Variants in PDE4D observed in about 807,000 individuals in gnomAD.
The protein encoded by PDE4D is phosphodiesterase 4D, also known as 3',5'-cyclic-AMP phosphodiesterase 4D.
PDE4D carries 24 observed loss-of-function variants against 87.4 expected under a neutral mutation model. That is an observed-to-expected ratio of 0.27 (90% CI 0.20 to 0.39). The LOEUF (loss-of-function observed/expected upper bound fraction) is 0.39, where lower values mean the gene tolerates loss of function less well. Ranked by LOEUF, PDE4D falls within the 10% of genes least tolerant of loss-of-function variation. The pLI is 1.00. For synonymous variants in PDE4D, 384 were observed against 383.2 expected (o/e 1.00, Z -0.02); for missense variants, 714 against 1,041.0 (o/e 0.69, Z 4.32).
chr5:59,949,398 A>G (rs1190031686), intron 3 of PDE4D, among the ~76,000 whole-genome samples: 1 of 144,284 alleles, frequency 6.9e-6, no homozygotes, highest in African/African-American at 2.6e-5. Context: ...GTGCCACCGC[A>G]CTCCAGCCTG....
chr5:59,117,717 G>C (rs1773835731), intron 5 of PDE4D, among the ~76,000 whole-genome samples: 1 of 151,988 alleles, frequency 6.6e-6, no homozygotes, highest in South Asian at 2.1e-4. Flanking sequence ...TTCTGCAAAA[G>C]AACTGTTGAA....
intron 1 of PDE4D, among the ~76,000 whole-genome samples, chr5:60,385,920 T>C (rs1354988127): frequency 3.9e-5 from 6 of 152,192 alleles, no homozygotes; most frequent in Admixed American, 3.9e-4. Context: ...GCCACTGCCC[T>C]GCCTTCTGTC....
chr5:60,303,394 C>T lies in PDE4D; in HGVS notation c.-89-117707G>A, dbSNP rs537047824. On this transcript the variant is annotated intron_variant, in intron 1 of 16. Transcript: ENST00000502484. ...CGCGATCTCGGCTCACTGCAAGCTC[C>T]GCCTCCCGGGTTCACGCCATTCTCC... Among the ~76,000 whole-genome samples, 288 of 150,608 alleles carry T rather than the reference C, an allele frequency of 1.9e-3. 3 individuals are homozygous for T. Among genetic ancestry groups the T allele is most frequent in the African/African-American group, 6.6e-3 (270 of 40,756 alleles).
At chr5:59,847,338 T>C (rs1744016109) in intron 1 of PDE4D, among the ~76,000 whole-genome samples, 1 of 152,038 alleles carries the variant, frequency 6.6e-6, no homozygotes, top group Non-Finnish European at 1.5e-5. Flanking sequence ...TCTACAATAT[T>C]TTAAAATGCT....
chr5:60,238,516 A>C (rs150791410), intron 1 of PDE4D, among the ~76,000 whole-genome samples: 2,130 of 152,106 alleles, frequency 0.014, 25 homozygotes, highest in Middle Eastern at 0.034. Flanking sequence ...TTACCAATTT[A>C]TTCTTATTTG....
chr5:60,193,033 T>C (rs565506045), intron 1 of PDE4D, among the ~76,000 whole-genome samples: 3 of 152,280 alleles, frequency 2.0e-5, no homozygotes, highest in East Asian at 3.9e-4. Context: ...AAAAGCCAAG[T>C]TGGAAAACAG....
chr5:60,161,155 C>T (rs1301476206), intron 2 of PDE4D, among the ~76,000 whole-genome samples: 1 of 152,250 alleles, frequency 6.6e-6, no homozygotes, highest in East Asian at 1.9e-4. Flanking sequence ...CAATAACTCT[C>T]ATGGCTCCTT....
chr5:60,169,663 T>G (rs76694012), intron 2 of PDE4D, among the ~76,000 whole-genome samples: 14,147 of 152,098 alleles, frequency 0.093, 713 homozygotes, highest in South Asian at 0.16. Context: ...AATAATAATA[T>G]AAAGTTTTCA....
chr5:59,834,647 G>A (rs1260691063), intron 1 of PDE4D, among the ~76,000 whole-genome samples: 1 of 151,972 alleles, frequency 6.6e-6, no homozygotes, highest in Non-Finnish European at 1.5e-5. Flanking sequence ...CTCTTTGATC[G>A]TACTCTTTAG....
intron 1 of PDE4D, among the ~76,000 whole-genome samples, chr5:59,690,384 G>A (rs1438079412): frequency 7.2e-5 from 11 of 152,106 alleles, no homozygotes; most frequent in Non-Finnish European, 1.2e-4. Flanking sequence ...TAGACTAATG[G>A]AACAGAATAG....
chr5:60,295,362 G>C lies in PDE4D; in HGVS notation c.-89-109675C>G, dbSNP rs554265826. 2.0e-5 allele frequency among the ~76,000 whole-genome samples: 3 copies of C among 152,302 alleles called. No homozygotes were observed. The East Asian group carries it at 5.8e-4, about 29-fold the overall frequency. On this transcript the variant is annotated intron_variant, in intron 1 of 16. Coordinates refer to the PDE4D transcript ENST00000502484. ...TTTTAATTATTCTTCTTGCACTGTTGCTAAGACCTTCAGTAAAATGTTGAA... is the reference window on the plus strand; with the variant it reads ...TTTTAATTATTCTTCTTGCACTGTTCCTAAGACCTTCAGTAAAATGTTGAA...
intron 1 of PDE4D, among the ~76,000 whole-genome samples, chr5:59,502,905 A>T: frequency 7.3e-6 from 1 of 136,726 alleles, no homozygotes. Context: ...GGAGATTAGA[A>T]GGCTTTTTTT....
intron 1 of PDE4D, among the ~76,000 whole-genome samples, chr5:59,697,809 G>A (rs892284354): frequency 1.3e-5 from 2 of 152,150 alleles, no homozygotes; most frequent in African/African-American, 2.4e-5. Context: ...TTCAGGTCAG[G>A]GCAGGTTGAT....
At chr5:59,783,122 A>C (rs1279154072) in intron 1 of PDE4D, among the ~76,000 whole-genome samples, 1 of 152,236 alleles carries the variant, frequency 6.6e-6, no homozygotes, top group Non-Finnish European at 1.5e-5. Context: ...AATGAGGAGA[A>C]GCTCAGGCAC....
intron 1 of PDE4D, among the ~76,000 whole-genome samples, chr5:59,552,204 A>C (rs1818237518): frequency 1.3e-5 from 2 of 152,170 alleles, no homozygotes; most frequent in Admixed American, 1.3e-4. Flanking sequence ...GGACAACAGT[A>C]AGAAAGTAAG....
At chr5:60,043,542 G>A (rs990138591) in intron 2 of PDE4D, among the ~76,000 whole-genome samples, 1 of 152,160 alleles carries the variant, frequency 6.6e-6, no homozygotes, top group Non-Finnish European at 1.5e-5. Context: ...AGGACAGCCA[G>A]AGAGAAAGCT....
chr5:59,386,269 A>G (rs1786955360), intron 1 of PDE4D, among the ~76,000 whole-genome samples: 1 of 152,196 alleles, frequency 6.6e-6, no homozygotes, highest in African/African-American at 2.4e-5. Context: ...AAACTGTTAC[A>G]TTGAATACTA....
intron 1 of PDE4D, among the ~76,000 whole-genome samples, chr5:59,475,512 C>T (rs1447854985): frequency 6.6e-6 from 1 of 152,038 alleles, no homozygotes; most frequent in East Asian, 1.9e-4. Context: ...CCTTAAACTA[C>T]CTATTAGTTT....
intron 1 of PDE4D, among the ~76,000 whole-genome samples, chr5:59,224,219 C>T (rs868277929): frequency 1.3e-5 from 2 of 149,802 alleles, no homozygotes; most frequent in African/African-American, 2.5e-5. Context: ...GAGGCTGAGG[C>T]TTCAGTGAGT....
Sources: allele counts gnomAD v4.1 joint callset (sites outside exome capture counted in the v4.1 genomes callset), GRCh38; gene constraint gnomAD v4.1.1; transcripts MANE v1.5; gene names NCBI Gene and HGNC (gene_info 2026-07-23, HGNC 2026-07-21).